The following TBC1D4 variants were observed in gnomAD, a reference collection of about 807,000 sequenced individuals.
TBC1D4 encodes the protein TBC1 domain family member 4.
TBC1D4 carries 121 observed loss-of-function variants against 142.5 expected under a neutral mutation model. That is an observed-to-expected ratio of 0.85 (90% confidence interval 0.73 to 0.99). The LOEUF (loss-of-function observed/expected upper bound fraction) is 0.99, where lower values mean the gene tolerates loss of function less well. TBC1D4 is among the 50% of genes least tolerant of loss of function. The pLI is 0.00. For missense variants in TBC1D4, 1,475 were observed against 1,606.6 expected (o/e 0.92, Z 1.40); for synonymous variants, 630 against 628.2 (o/e 1.00, Z -0.04).
intron 3 of TBC1D4, among the ~76,000 whole-genome samples, chr13:75,358,444 A>G (rs1882236079): frequency 6.6e-6 from 1 of 152,108 alleles, no homozygotes; most frequent in Non-Finnish European, 1.5e-5. Context: ...AAGTTATCAG[A>G]GTAGAAAATT....
intron 1 of TBC1D4, among the ~76,000 whole-genome samples, chr13:75,453,823 C>CT (rs529435328): frequency 9.1e-4 from 138 of 151,034 alleles, no homozygotes; most frequent in Middle Eastern, 3.4e-3. Flanking sequence ...GATAGTGCCA[C>CT]TGCCATCCAG....
At chr13:75,434,056 T>C (rs1246966751) in intron 1 of TBC1D4, among the ~76,000 whole-genome samples, 1 of 152,188 alleles carries the variant, frequency 6.6e-6, no homozygotes, top group Non-Finnish European at 1.5e-5. Flanking sequence ...TTATTCACTG[T>C]TGGTGGGAGA....
chr13:75,473,477 ATAG>A (rs1167666993), intron 1 of TBC1D4, among the ~76,000 whole-genome samples: 1 of 152,244 alleles, frequency 6.6e-6, no homozygotes, highest in Non-Finnish European at 1.5e-5. Flanking sequence ...TGTAATATTG[ATAG>A]CACAAAGTTT....
In TBC1D4 at chr13:75,316,957, T is replaced by C. The variant is rs1045415657; in HGVS notation, c.2222+3057A>G. Among the ~76,000 whole-genome samples the C allele has an allele frequency of 2.6e-5, 4 of 152,220 alleles. No individual in the cohort carries two copies. The Middle Eastern group carries it at 9.5e-3, about 361-fold the overall frequency. On this transcript the variant is annotated intron_variant, in intron 12 of 20. Transcript: ENST00000377636. ...TAATAAAGCTAAGACTCTCAGCACA[T>C]ACTTCATGCCAGGTATCGATTGTTC...
intron 1 of TBC1D4, among the ~76,000 whole-genome samples, chr13:75,400,459 GC>G (rs1234646879): frequency 3.6e-5 from 2 of 54,808 alleles, no homozygotes; most frequent in African/African-American, 1.4e-4. Context: ...GTAAATTCAT[GC>G]TTTTTTTTTT....
At chr13:75,303,590 G>C (rs1876819483) in intron 15 of TBC1D4, among the ~76,000 whole-genome samples, 2 of 152,126 alleles carry the variant, frequency 1.3e-5, no homozygotes, top group Admixed American at 1.3e-4. Flanking sequence ...TTTCAGTTTG[G>C]ACACATTGAA....
chr13:75,336,016 A>G (rs1880166670), intron 8 of TBC1D4, among the ~76,000 whole-genome samples: 1 of 152,194 alleles, frequency 6.6e-6, no homozygotes, highest in Non-Finnish European at 1.5e-5. Context: ...TTTTCTATAC[A>G]TATATATTTC....
rs770524180 is a variant in TBC1D4, at chr13:75,341,128, A to C, written c.1608T>G (p.Pro536=). ...GAAGTAGGAAATATCTTCTCACAGA[A>C]GGGCCTTCCCCGATGTGCACGTGTG... ...QKTHVHIGEG[P]STISNSTIPE... Residue 536 remains proline, a synonymous_variant, in exon 7 of 21, where the codon CCT becomes CCG. Transcript: ENST00000377636. The C allele has an allele frequency of 1.2e-6, 2 of 1,613,130 alleles. No individual in the cohort carries two copies. Among genetic ancestry groups the C allele is most frequent in the Non-Finnish European group, 1.7e-6 (2 of 1,179,454 alleles).
chr13:75,290,757 T>C (rs1165366983), intron 19 of TBC1D4, among the ~76,000 whole-genome samples: 4 of 152,184 alleles, frequency 2.6e-5, no homozygotes, highest in African/African-American at 9.7e-5. Context: ...ATTGGTTATA[T>C]TTGCTCCTAA....
intron 10 of TBC1D4, among the ~76,000 whole-genome samples, chr13:75,324,658 A>G (rs912695309): frequency 8.5e-5 from 13 of 152,208 alleles, no homozygotes; most frequent in African/African-American, 3.1e-4. Context: ...GTCTCTAAAA[A>G]TTTCTTAACA....
intron 1 of TBC1D4, among the ~76,000 whole-genome samples, chr13:75,450,833 G>C (rs1051267318): frequency 6.6e-6 from 1 of 152,060 alleles, no homozygotes; most frequent in African/African-American, 2.4e-5. Flanking sequence ...TCCATTCTCA[G>C]TCCTCTTATT....
chr13:75,404,009 T>TA (rs754523175), intron 1 of TBC1D4, among the ~76,000 whole-genome samples: 13 of 151,234 alleles, frequency 8.6e-5, no homozygotes, highest in Non-Finnish European at 1.6e-4. Context: ...TTTATATATA[T>TA]AGGTGGTGTA....
At chr13:75,290,080 T>C (rs1258862800) in intron 19 of TBC1D4, among the ~76,000 whole-genome samples, 1 of 152,146 alleles carries the variant, frequency 6.6e-6, no homozygotes, top group Non-Finnish European at 1.5e-5. Flanking sequence ...TATGGATTTA[T>C]AGTTACTGGA....
intron 1 of TBC1D4, among the ~76,000 whole-genome samples, chr13:75,472,742 G>C (rs1888469469): frequency 6.6e-6 from 1 of 152,164 alleles, no homozygotes; most frequent in Non-Finnish European, 1.5e-5. Flanking sequence ...TCTTCAAAGG[G>C]AGCAGCAGAA....
chr13:75,370,877 C>G (rs111235148), intron 1 of TBC1D4, among the ~76,000 whole-genome samples: 3,595 of 152,000 alleles, frequency 0.024, 77 homozygotes, highest in Admixed American at 0.053. Context: ...GTATAGAAGA[C>G]AGAGAGAGAA....
intron 1 of TBC1D4, among the ~76,000 whole-genome samples, chr13:75,479,632 T>TAA (rs1384845367): frequency 6.6e-6 from 1 of 151,528 alleles, no homozygotes; most frequent in East Asian, 1.9e-4. Flanking sequence ...CCGAGAGTCA[T>TAA]GAAAAGTTCC....
chr13:75,414,121 T>C (rs1428328152), intron 1 of TBC1D4, among the ~76,000 whole-genome samples: 4 of 152,212 alleles, frequency 2.6e-5, no homozygotes, highest in Non-Finnish European at 5.9e-5. Flanking sequence ...ATTCCCATGG[T>C]TGAGTTCATT....
chr13:75,407,875 A>C (rs1388302970), intron 1 of TBC1D4, among the ~76,000 whole-genome samples: 1 of 152,226 alleles, frequency 6.6e-6, no homozygotes, highest in South Asian at 2.1e-4. Flanking sequence ...AAATAGAAAA[A>C]AAAAAGAAAA....
At position 75,321,418 on chromosome 13, in the gene TBC1D4, G is replaced by A. The variant is rs1310443537; in HGVS notation, c.2199-1381C>T. 4.1e-5 allele frequency among the ~76,000 whole-genome samples: 6 copies of A among 146,828 alleles called. No homozygotes were observed. In the South Asian group the frequency reaches 9.4e-4, roughly 23 times the overall value. ...TTATTCACAAATGGCTTAGAATGAG[G>A]AAATATAGCGGTGCATATATATGTA... On this transcript the variant is annotated intron_variant, in intron 11 of 20. Coordinates refer to ENST00000377636, the MANE Select transcript of TBC1D4 (RefSeq NM_014832.5).
Sources: allele counts gnomAD v4.1 joint callset (sites outside exome capture counted in the v4.1 genomes callset), GRCh38; gene constraint gnomAD v4.1.1; transcripts MANE v1.5; gene names NCBI Gene and HGNC (gene_info 2026-07-23, HGNC 2026-07-21).